Variants in DLGAP1 observed in about 807,000 individuals in gnomAD.
DLGAP1 encodes disks large-associated protein 1.
A neutral mutation model predicts 90.8 loss-of-function variants in DLGAP1; 11 were observed. That is an observed-to-expected ratio of 0.12 (90% confidence interval 0.08 to 0.20). The LOEUF is 0.20. Among genes scored for constraint, DLGAP1 ranks in the 10% least tolerant of loss-of-function variants. The pLI, the probability that DLGAP1 is intolerant of heterozygous loss-of-function variation, is 1.00. For missense variants in DLGAP1, 1,050 were observed against 1,333.8 expected (o/e 0.79, Z 3.31); for synonymous variants, 558 against 540.7 (o/e 1.03, Z -0.44).
intron 3 of DLGAP1, among the ~76,000 whole-genome samples, chr18:3,889,456 T>C (rs567933202): frequency 2.0e-5 from 3 of 152,198 alleles, no homozygotes; most frequent in African/African-American, 7.2e-5. Context: ...AAATTTTCTC[T>C]TATAAAGTCT....
intron 7 of DLGAP1, among the ~76,000 whole-genome samples, chr18:3,650,404 G>C (rs994853021): frequency 5.9e-5 from 9 of 152,156 alleles, no homozygotes; most frequent in African/African-American, 2.2e-4. Context: ...CAGGAGGACA[G>C]CTTGAGGCCA....
chr18:3,788,864 T>G (rs964139929), intron 5 of DLGAP1, among the ~76,000 whole-genome samples: 1 of 152,206 alleles, frequency 6.6e-6, no homozygotes, highest in African/African-American at 2.4e-5. Context: ...CCTAAAAATA[T>G]GTGTGCTATG....
chr18:4,144,215 T>C (rs2144336988), intron 2 of DLGAP1, among the ~76,000 whole-genome samples: 1 of 152,262 alleles, frequency 6.6e-6, no homozygotes, highest in South Asian at 2.1e-4. Context: ...TAGACTAGCA[T>C]TTAAGTTTAT....
At chr18:4,451,764 T>C (rs1162523894) in intron 1 of DLGAP1, among the ~76,000 whole-genome samples, 1 of 152,222 alleles carries the variant, frequency 6.6e-6, no homozygotes, top group African/African-American at 2.4e-5. Flanking sequence ...TGGGATGTTT[T>C]TGAACATTCA....
intron 3 of DLGAP1, among the ~76,000 whole-genome samples, chr18:3,946,794 A>T (rs1312230650): frequency 2.6e-5 from 4 of 152,194 alleles, no homozygotes; most frequent in Non-Finnish European, 5.9e-5. Flanking sequence ...GATACCAAAA[A>T]TGATCTGAGT....
intron 7 of DLGAP1, among the ~76,000 whole-genome samples, chr18:3,614,686 C>A (rs143194710): frequency 2.1e-3 from 223 of 104,840 alleles, no homozygotes; most frequent in East Asian, 2.9e-3. Context: ...ACTAAAAATA[C>A]AAAAAAAAAA....
At chr18:3,599,875 C>T (rs1427176882) in intron 7 of DLGAP1, among the ~76,000 whole-genome samples, 4 of 152,112 alleles carry the variant, frequency 2.6e-5, no homozygotes, top group African/African-American at 9.6e-5. Flanking sequence ...CCTCGGCCTC[C>T]CAAAATGTTG....
chr18:3,921,296 GTTTA>G (rs1199219174), intron 3 of DLGAP1, among the ~76,000 whole-genome samples: 1 of 152,098 alleles, frequency 6.6e-6, no homozygotes. Context: ...TCCTGTAAGA[GTTTA>G]TTTATTTGAG....
chr18:3,605,533 AAAG>A (rs1166064051), intron 7 of DLGAP1, among the ~76,000 whole-genome samples: 1 of 152,220 alleles, frequency 6.6e-6, no homozygotes, highest in African/African-American at 2.4e-5. Context: ...TCTAGTTCTC[AAAG>A]CTTTAGTTTC....
intron 2 of DLGAP1, among the ~76,000 whole-genome samples, chr18:4,026,029 T>C (rs1398416255): frequency 2.6e-5 from 4 of 152,226 alleles, no homozygotes; most frequent in Non-Finnish European, 5.9e-5. Context: ...CCCCACTCTT[T>C]TCAGGCTTAT....
chr18:4,240,964 C>G (rs970684024), intron 1 of DLGAP1, among the ~76,000 whole-genome samples: 1 of 152,176 alleles, frequency 6.6e-6, no homozygotes, highest in Admixed American at 6.5e-5. Context: ...CATTCATAGG[C>G]CTATCATTCA....
intron 2 of DLGAP1, among the ~76,000 whole-genome samples, chr18:4,120,947 G>A (rs537711208): frequency 2.0e-4 from 30 of 152,304 alleles, no homozygotes; most frequent in Admixed American, 3.3e-4. Context: ...CACAGACCCT[G>A]TTCTCAGTAC....
At chr18:4,105,538 T>C (rs926763828) in intron 2 of DLGAP1, among the ~76,000 whole-genome samples, 2 of 152,240 alleles carry the variant, frequency 1.3e-5, no homozygotes, top group Non-Finnish European at 2.9e-5. Context: ...TCACTTATCG[T>C]TGAGTTTGTG....
At chr18:3,552,658 A>T (rs1028717818) in intron 9 of DLGAP1, among the ~76,000 whole-genome samples, 6 of 152,122 alleles carry the variant, frequency 3.9e-5, no homozygotes, top group Non-Finnish European at 1.5e-5. Flanking sequence ...CCTGCTCTCA[A>T]CTATGCTGGT....
chr18:4,070,458 C>T (rs751562228), intron 2 of DLGAP1, among the ~76,000 whole-genome samples: 22 of 151,958 alleles, frequency 1.4e-4, no homozygotes, highest in Non-Finnish European at 2.6e-4. Context: ...AAGAGAATAT[C>T]GGTTTTGGAA....
intron 2 of DLGAP1, among the ~76,000 whole-genome samples, chr18:4,010,860 G>A (rs981880086): frequency 2.7e-5 from 4 of 146,266 alleles, no homozygotes; most frequent in South Asian, 2.2e-4. Context: ...GCTAGTCATC[G>A]GAAACACAAG....
intron 2 of DLGAP1, among the ~76,000 whole-genome samples, chr18:4,070,544 G>A (rs932942822): frequency 4.6e-5 from 7 of 151,622 alleles, no homozygotes; most frequent in African/African-American, 1.7e-4. Context: ...TCCCATATAT[G>A]ATAACTATAA....
At chr18:3,881,045 T>C (rs937436257) in intron 3 of DLGAP1, among the ~76,000 whole-genome samples, 9 of 151,342 alleles carry the variant, frequency 5.9e-5, no homozygotes, top group Non-Finnish European at 1.2e-4. Flanking sequence ...ACAATAACTC[T>C]CCTTCCCTCT....
intron 1 of DLGAP1, among the ~76,000 whole-genome samples, chr18:4,214,383 G>A (rs1209903106): frequency 6.6e-6 from 1 of 151,970 alleles, no homozygotes; most frequent in African/African-American, 2.4e-5. Context: ...TATTCATAGG[G>A]TGGCCCATTT....
Sources: allele counts gnomAD v4.1 joint callset (sites outside exome capture counted in the v4.1 genomes callset), GRCh38; gene constraint gnomAD v4.1.1; transcripts MANE v1.5; gene names NCBI Gene and HGNC (gene_info 2026-07-23, HGNC 2026-07-21).